Variants in BIRC6 observed in about 807,000 individuals in gnomAD.
BIRC6 encodes baculoviral IAP repeat containing 6.
Under a neutral mutation model 503.3 loss-of-function variants are expected in BIRC6, and 98 were observed. The ratio of observed to expected loss-of-function variants is 0.19; its 90% confidence interval spans 0.17 to 0.23. BIRC6 has a LOEUF of 0.23. BIRC6 is among the 10% of genes least tolerant of loss of function. BIRC6 has a pLI of 1.00. For synonymous variants in BIRC6, 2,240 were observed against 2,078.7 expected, an observed-to-expected ratio of 1.08 and a Z score of -2.11; for missense variants, 5,360 against 5,806.0, an observed-to-expected ratio of 0.92 and a Z score of 2.50.
intron 20 of BIRC6, 111 bp from the exon 21 acceptor site, chr2:32,445,410 G>GAGTATCTTTCTAGCAAAAGGA (rs2045854934): frequency 9.3e-7 from 1 of 1,079,032 alleles, no homozygotes; most frequent in Non-Finnish European, 1.3e-6. Context: ...CCAGAAAAGG[G>GAGTATCTTTCTAGCAAAAGGA]AGTATCTTTC....
In BIRC6 at chr2:32,618,194, G is replaced by A; in HGVS notation, c.*290G>A. The A allele has an allele frequency of 4.5e-6, 1 of 220,940 alleles. No individual in the cohort carries two copies. The highest frequency in any genetic ancestry group is 8.8e-6 in the Non-Finnish European group (1 of 113,424). 13.7% of individuals were successfully genotyped at this position (220,940 alleles called of 1,614,324 possible). A position where few individuals can be genotyped will look rare whatever the true frequency, so the allele number is the denominator to read the frequency against. On this transcript the variant is annotated 3_prime_UTR_variant, in exon 74 of 74. Coordinates refer to ENST00000421745, the MANE Select transcript of BIRC6 (RefSeq NM_016252.4). ...CTGCTATATAAGGGAAACTACCTTA[G>A]GAAAGAATGTTTACTGAATGTTTAT... is the stretch of plus-strand genomic sequence containing the variant.
chr2:32,393,553 C>G (rs1021371576), intron 5 of BIRC6, among the ~76,000 whole-genome samples: 1 of 152,068 alleles, frequency 6.6e-6, no homozygotes, highest in Non-Finnish European at 1.5e-5. Context: ...CTCTGTCAAC[C>G]CAAGTTGGAG....
intron 65 of BIRC6, among the ~76,000 whole-genome samples, chr2:32,567,292 A>T (rs754225833): frequency 3.8e-4 from 58 of 152,216 alleles, no homozygotes; most frequent in Non-Finnish European, 7.1e-4. Flanking sequence ...ATGCTTTTTT[A>T]AAAAAATGTT....
chr2:32,389,012 A>C, intron 4 of BIRC6, 69 bp downstream of exon 4: 2 of 1,050,820 alleles, frequency 1.9e-6, no homozygotes, highest in Non-Finnish European at 2.5e-6. Context: ...ACAAGGAATA[A>C]CTAGAAAATC....
At chr2:32,475,254 C>G (rs148819801) in intron 33 of BIRC6, among the ~76,000 whole-genome samples, 1,736 of 150,888 alleles carry the variant, frequency 0.012, 17 homozygotes, top group South Asian at 0.026. Flanking sequence ...AATTATTATT[C>G]ATTTATAATT....
chr2:32,427,405 C>G (rs1311363799), intron 10 of BIRC6, among the ~76,000 whole-genome samples: 1 of 152,120 alleles, frequency 6.6e-6, no homozygotes, highest in Non-Finnish European at 1.5e-5. Context: ...TCCTCAGCCT[C>G]CTGAGTAGCT....
At chr2:32,363,409 G>A (rs1281010755) in intron 1 of BIRC6, among the ~76,000 whole-genome samples, 3 of 151,736 alleles carry the variant, frequency 2.0e-5, no homozygotes, top group African/African-American at 7.3e-5. Context: ...GACTTAAACT[G>A]AACTTTGAAC....
intron 4 of BIRC6, among the ~76,000 whole-genome samples, chr2:32,389,277 C>G (rs2038905262): frequency 6.6e-6 from 1 of 151,398 alleles, no homozygotes; most frequent in Admixed American, 6.6e-5. Context: ...TGATTAATAA[C>G]TATTTTTCCA....
intron 54 of BIRC6, among the ~76,000 whole-genome samples, chr2:32,514,330 A>G (rs754639794): frequency 5.3e-5 from 8 of 152,214 alleles, no homozygotes; most frequent in Admixed American, 3.9e-4. Flanking sequence ...ATCTCAAAAA[A>G]GAACAAAAAT....
chr2:32,556,046 C>G (rs775165598), intron 65 of BIRC6, among the ~76,000 whole-genome samples: 4 of 152,060 alleles, frequency 2.6e-5, no homozygotes, highest in Non-Finnish European at 2.9e-5. Flanking sequence ...AATTAAAACA[C>G]TTGCCTATGT....
At chr2:32,535,483 G>A (rs2057153761) in intron 61 of BIRC6, among the ~76,000 whole-genome samples, 1 of 152,072 alleles carries the variant, frequency 6.6e-6, no homozygotes, top group Non-Finnish European at 1.5e-5. Flanking sequence ...GCCCCGGTGT[G>A]TGATGTTCCC....
chr2:32,385,659 G>A lies in BIRC6; in HGVS notation c.646-3091G>A, dbSNP rs942764081. ...TCATTATTTGCTGTGGACTTCTAGT[G>A]TCAGTGTCATTGAAAGTGCTCTTAA... is the stretch of plus-strand genomic sequence containing the variant. On this transcript the variant is annotated intron_variant, in intron 3 of 73. Coordinates refer to ENST00000421745, the MANE Select transcript of BIRC6 (RefSeq NM_016252.4). 3.5e-4 allele frequency among the ~76,000 whole-genome samples: 54 copies of A among 152,210 alleles called. 1 individual carries two copies. Among genetic ancestry groups the A allele is most frequent in the African/African-American group, 1.3e-3 (52 of 41,460 alleles).
rs767628007 is a variant in BIRC6, at chr2:32,473,214, G to A, written c.6695G>A (p.Arg2232Lys). Residue 2232 changes from arginine to lysine, a missense_variant, in exon 33 of 74, where the codon AGA (arginine) becomes AAA (lysine). By Grantham distance (26) the Arg-to-Lys change is conservative. Coordinates refer to ENST00000421745, the MANE Select transcript of BIRC6 (RefSeq NM_016252.4). ...GATAGATTATATTCCAGAAAAATCA[G>A]AAAGCAGCTTGTTCATCATAAACAG... is the stretch of plus-strand genomic sequence containing the variant. ...SLDRLYSRKI[R>K]KQLVHHKQQL... 7 of 1,548,338 alleles carry A rather than the reference G, an allele frequency of 4.5e-6. No individual in the cohort carries two copies. Among genetic ancestry groups the A allele is most frequent in the Admixed American group, 2.0e-5 (1 of 50,092 alleles).
intron 45 of BIRC6, among the ~76,000 whole-genome samples, chr2:32,497,083 T>A (rs2052568978): frequency 6.6e-6 from 1 of 152,254 alleles, no homozygotes; most frequent in Non-Finnish European, 1.5e-5. Context: ...CTTAAAAAAA[T>A]TATGAATGTC....
In BIRC6 at chr2:32,357,289, C is replaced by A; in HGVS notation, c.128C>A (p.Ser43Ter). Residue 43 changes from serine (S) to a stop codon, truncating the protein, a stop_gained, in exon 1 of 74, where the codon TCG (serine) becomes TAG (stop). Coordinates refer to ENST00000421745, the MANE Select transcript of BIRC6 (RefSeq NM_016252.4). LOFTEE classifies it high-confidence loss of function. This position sits in a 1 kb window ranked among gnomAD's most constrained non-coding sequence, Gnocchi z 4.9. ...AAAASGPGCS[S>*]AAGAGAAGVS... ...GCGGCCTCGGGCCCCGGCTGCTCCT[C>A]GGCGGCGGGGGCGGGGGCGGCCGGG... 6.6e-7 allele frequency: 1 copy of A among 1,524,794 alleles called. No homozygotes were observed. The allele number at this position is 1,524,794 out of a possible 1,614,324, so 94.5% of individuals were successfully genotyped here. A position where few individuals can be genotyped will look rare whatever the true frequency, so the allele number is the denominator to read the frequency against.
intron 65 of BIRC6, among the ~76,000 whole-genome samples, chr2:32,571,271 TAGAG>T (rs1170220803): frequency 6.6e-6 from 1 of 151,956 alleles, no homozygotes; most frequent in Admixed American, 6.6e-5. Flanking sequence ...TAAAATGAGT[TAGAG>T]AGAATAAACT....
intron 49 of BIRC6, among the ~76,000 whole-genome samples, chr2:32,504,704 T>A (rs1459907755): frequency 6.6e-6 from 1 of 151,768 alleles, no homozygotes; most frequent in Non-Finnish European, 1.5e-5. Context: ...ATAAAAAAAA[T>A]TTAAAAAAAG....
At chr2:32,484,427 A>G (rs2050760837) in intron 39 of BIRC6, among the ~76,000 whole-genome samples, 1 of 151,726 alleles carries the variant, frequency 6.6e-6, no homozygotes, top group South Asian at 2.1e-4. Context: ...GGTGGCGGGT[A>G]CCTGTAATCC....
chr2:32,585,236 A>G (rs908197328), intron 66 of BIRC6, among the ~76,000 whole-genome samples: 2 of 152,196 alleles, frequency 1.3e-5, no homozygotes, highest in African/African-American at 4.8e-5. Flanking sequence ...GCCTCATTCC[A>G]TACCGATTGT....
Sources: allele counts gnomAD v4.1 joint callset (sites outside exome capture counted in the v4.1 genomes callset), GRCh38; gene constraint gnomAD v4.1.1; non-coding constraint Gnocchi (gnomAD v3.1); transcripts MANE v1.5; gene names NCBI Gene and HGNC (gene_info 2026-07-23, HGNC 2026-07-21).